The following RPL7A variants were observed in gnomAD, a reference collection of about 807,000 sequenced individuals.
The protein encoded by RPL7A is ribosomal protein L7a.
For synonymous variants in RPL7A, 158 were observed against 128.2 expected, an observed-to-expected ratio of 1.23 and a Z score of -1.57; for missense variants, 291 against 338.2, an observed-to-expected ratio of 0.86 and a Z score of 1.09.
chr9:133,350,448 C>T (rs2129993693), intron 5 of RPL7A, 129 bp downstream of exon 5: 39 of 1,491,328 alleles, frequency 2.6e-5, no homozygotes, highest in Admixed American at 1.5e-4. Flanking sequence ...CCAACACATG[C>T]GTGGCTCTTG....
At chr9:133,348,421 G>A in intron 1 of RPL7A, 175 bp downstream of exon 1, 1 of 914,334 alleles carries the variant, frequency 1.1e-6, no homozygotes, top group Non-Finnish European at 1.7e-6. Context: ...GTGGCACGGA[G>A]ACATTGAGAT....
At chr9:133,350,114 C>T in intron 4 of RPL7A, 62 bp downstream of exon 4, 1 of 1,613,862 alleles carries the variant, frequency 6.2e-7, no homozygotes, top group Non-Finnish European at 8.5e-7. Context: ...TGTAAAATTT[C>T]TTGGCCTGAA....
rs2129990624 is a variant in RPL7A at position 133,350,003 on chromosome 9, T to G, written c.366T>G (p.Ala122=). 21 of 1,612,978 alleles carry G rather than the reference T, an allele frequency of 1.3e-5. No homozygotes were observed. The highest frequency in any genetic ancestry group is 1.7e-5 in the Non-Finnish European group (20 of 1,180,036). Residue 122 remains alanine (A), a synonymous_variant, in exon 4 of 8, where the codon GCT becomes GCG. Coordinates refer to ENST00000323345, the MANE Select transcript of RPL7A (RefSeq NM_000972.3). Reference sequence around the variant, plus strand: ...TGTTGGCCCGGGCCGAGAAGAAGGCTGCTGGCAAAGGGGACGTCCCAACGA... The same window carrying G: ...TGTTGGCCCGGGCCGAGAAGAAGGCGGCTGGCAAAGGGGACGTCCCAACGA... ...QRLLARAEKK[A]AGKGDVPTKR...
chr9:133,349,676 A>G lies in RPL7A; in HGVS notation c.250A>G (p.Thr84Ala). 1.2e-6 allele frequency: 2 copies of G among 1,613,962 alleles called. No individual in the cohort carries two copies. Among genetic ancestry groups the G allele is most frequent in the South Asian group, 2.2e-5 (2 of 91,074 alleles). ...AGTGCCTCCTGCGATTAACCAGTTC[A>G]CCCAGGCCCTGGACCGCCAAACAGG... ...LKVPPAINQFTQALDRQTATQ... is the reference protein window; with the variant it reads ...LKVPPAINQFAQALDRQTATQ... Residue 84 changes from threonine to alanine, a missense_variant, in exon 3 of 8, where the codon ACC becomes GCC. Physicochemically the swap from Thr to Ala is moderately conservative, Grantham distance 58. Coordinates refer to ENST00000323345, the MANE Select transcript of RPL7A (RefSeq NM_000972.3).
In RPL7A at chr9:133,350,959, C is replaced by CT. The variant is rs2129997262; in HGVS notation, c.627-42dup. Reference sequence around the variant, plus strand: ...GTATTTTTGCATTCTAAAAGGGAAACTAAGGCAAAAAACCCACTTTTGTTT... The same window carrying CT: ...GTATTTTTGCATTCTAAAAGGGAAACTTAAGGCAAAAAACCCACTTTTGTTT... On this transcript the variant is annotated intron_variant, in intron 6 of 7. Transcript: ENST00000323345. The CT allele has an allele frequency of 1.1e-5, 17 of 1,603,968 alleles. No homozygotes were observed. In the East Asian group the frequency reaches 1.8e-4, roughly 17 times the overall value.
chr9:133,349,610 A>G lies in RPL7A; in HGVS notation c.184A>G (p.Arg62Gly), dbSNP rs2129987446. 1 of 1,614,018 alleles carries G rather than the reference A, an allele frequency of 6.2e-7. No homozygotes were observed. The highest frequency in any genetic ancestry group is 1.1e-5 in the South Asian group (1 of 91,082). Residue 62 changes from arginine (R) to glycine (G), a missense_variant, in exon 3 of 8, where the codon AGG becomes GGG. By Grantham distance (125) the Arg-to-Gly change is moderately radical (BLOSUM62 -2). Coordinates refer to ENST00000323345, the MANE Select transcript of RPL7A (RefSeq NM_000972.3). Reference sequence around the variant, plus strand: ...CTTTGTGAAATGGCCCCGCTATATCAGGTTGCAGCGGCAGAGAGCCATCCT... The same window carrying G: ...CTTTGTGAAATGGCCCCGCTATATCGGGTTGCAGCGGCAGAGAGCCATCCT... ...TRFVKWPRYI[R>G]LQRQRAILYK...
intron 5 of RPL7A, 61 bp from the exon 6 acceptor site, chr9:133,350,536 A>G: frequency 6.2e-7 from 1 of 1,613,626 alleles, no homozygotes; most frequent in Non-Finnish European, 8.5e-7. Context: ...AATTGTTACA[A>G]GCTAACTGAA....
chr9:133,351,284 A>G lies in RPL7A; in HGVS notation c.719A>G (p.Asn240Ser), dbSNP rs1195406847. Residue 240 changes from asparagine (N) to serine (S), a missense_variant, in exon 8 of 8, where the codon AAT (asparagine) becomes AGT (serine). Coordinates refer to ENST00000323345, the MANE Select transcript of RPL7A (RefSeq NM_000972.3). ...YDEIRRHWGGNVLGPKSVARI... is the reference protein window; with the variant it reads ...YDEIRRHWGGSVLGPKSVARI... ...CAGATCCGCCGTCACTGGGGTGGCAATGTCCTGGGTCCTAAGTCTGTGGCT... is the reference window on the plus strand; with the variant it reads ...CAGATCCGCCGTCACTGGGGTGGCAGTGTCCTGGGTCCTAAGTCTGTGGCT... 8 of 1,613,984 alleles carry G rather than the reference A, an allele frequency of 5.0e-6. No homozygotes were observed. The East Asian group carries it at 6.7e-5, about 13-fold the overall frequency.
intron 1 of RPL7A, 166 bp downstream of exon 1, chr9:133,348,412 T>C: frequency 1.0e-6 from 1 of 971,252 alleles, no homozygotes. Context: ...CCACTTGGTG[T>C]GGCACGGAGA....
chr9:133,349,180 G>GT, intron 2 of RPL7A, 138 bp downstream of exon 2: 1 of 1,035,138 alleles, frequency 9.7e-7, no homozygotes, highest in Non-Finnish European at 1.4e-6. Context: ...AGAGACGGGG[G>GT]CAATGATACA....
intron 1 of RPL7A, 85 bp downstream of exon 1, chr9:133,348,331 C>G: frequency 1.3e-6 from 2 of 1,548,520 alleles, no homozygotes; most frequent in Non-Finnish European, 1.8e-6. Flanking sequence ...CCTCGGAGGG[C>G]CTCCTGCTCC....
intron 6 of RPL7A, 25 bp downstream of exon 6, chr9:133,350,752 C>T (rs2129995854): frequency 1.2e-6 from 2 of 1,609,400 alleles, no homozygotes; most frequent in African/African-American, 1.3e-5. Flanking sequence ...TGGCCCCAAA[C>T]TTCCCCCCAG....
chr9:133,349,866 G>A (rs2129989161), intron 3 of RPL7A, 46 bp from the exon 4 acceptor site: 25 of 1,606,176 alleles, frequency 1.6e-5, no homozygotes, highest in Non-Finnish European at 1.7e-5. Flanking sequence ...AAGTGACAAG[G>A]ATTAGAACCT....
chr9:133,349,760 A>T (rs1836329947), intron 3 of RPL7A, 60 bp downstream of exon 3: 1 of 1,603,852 alleles, frequency 6.2e-7, no homozygotes, highest in African/African-American at 1.3e-5. Flanking sequence ...TTCATCCAGA[A>T]CATGAGGGGG....
In RPL7A at chr9:133,351,397, A is replaced by C; in HGVS notation, c.*31A>C. The C allele has an allele frequency of 7.0e-7, 1 of 1,434,328 alleles. No homozygotes were observed. The highest frequency in any genetic ancestry group is 9.7e-7 in the Non-Finnish European group (1 of 1,029,482). The allele number at this position is 1,434,328 out of a possible 1,614,324, so 88.9% of individuals were successfully genotyped here. A position where few individuals can be genotyped will look rare whatever the true frequency, so the allele number is the denominator to read the frequency against. Reference sequence around the variant, plus strand: ...CACTGTTGAGTTTTCTGTACATAAAAATAATTGAAATAATACAAATTTTCC... The same window carrying C: ...CACTGTTGAGTTTTCTGTACATAAACATAATTGAAATAATACAAATTTTCC... On this transcript the variant is annotated 3_prime_UTR_variant, in exon 8 of 8. Coordinates refer to ENST00000323345, the MANE Select transcript of RPL7A (RefSeq NM_000972.3).
chr9:133,348,301 C>T (rs1836266885), intron 1 of RPL7A, 55 bp downstream of exon 1: 4 of 1,613,164 alleles, frequency 2.5e-6, no homozygotes, highest in Non-Finnish European at 2.5e-6. Context: ...GTATCCGCTG[C>T]CATCCTCCTC....
In RPL7A at chr9:133,348,316, C is replaced by T. The variant is rs2129977971; in HGVS notation, c.3+70C>T. ...GTATCCGCTGCCATCCTCCTCCAGG[C>T]GCGGCCTCGGAGGGCCTCCTGCTCC... On this transcript the variant is annotated intron_variant, in intron 1 of 7. Transcript: ENST00000323345. 2.5e-6 allele frequency: 4 copies of T among 1,606,870 alleles called. No homozygotes were observed. The East Asian group carries it at 6.7e-5, about 27-fold the overall frequency.
rs2129990554 is a variant in RPL7A at position 133,349,997 on chromosome 9, G to T, written c.360G>T (p.Lys120Asn). 6 of 1,612,824 alleles carry T rather than the reference G, an allele frequency of 3.7e-6. No individual in the cohort carries two copies. In the East Asian group the frequency reaches 1.3e-4, roughly 36 times the overall value. ...AGAGACTGTTGGCCCGGGCCGAGAA[G>T]AAGGCTGCTGGCAAAGGGGACGTCC... ...KKQRLLARAE[K>N]KAAGKGDVPT... The change falls in exon 4 of 8, where the codon AAG becomes AAT. Residue 120 changes from lysine to asparagine, a missense_variant. By Grantham distance (94) the Lys-to-Asn change is moderately conservative. Transcript: ENST00000323345.
At chr9:133,351,189 T>A in intron 7 of RPL7A, 73 bp from the exon 8 acceptor site, 1 of 1,549,830 alleles carries the variant, frequency 6.5e-7, no homozygotes, top group Non-Finnish European at 8.9e-7. Context: ...CCAAACAGAA[T>A]TAACGCAACT....
Sources: allele counts gnomAD v4.1 joint callset, GRCh38; gene constraint gnomAD v4.1.1; transcripts MANE v1.5; gene names NCBI Gene and HGNC (gene_info 2026-07-23, HGNC 2026-07-21).